The following ITPKC variants were observed in gnomAD, a reference collection of about 807,000 sequenced individuals.
ITPKC encodes IP3 3-kinase C.
Under a neutral mutation model 67.1 loss-of-function variants are expected in ITPKC, and 33 were observed. That is an observed-to-expected ratio of 0.49 (90% confidence interval 0.37 to 0.66). The LOEUF (loss-of-function observed/expected upper bound fraction) is 0.66, where lower values mean the gene tolerates loss of function less well. Among genes scored for constraint, ITPKC ranks in the 30% least tolerant of loss-of-function variants. The pLI, the probability that ITPKC is intolerant of heterozygous loss-of-function variation, is 0.00. For synonymous variants in ITPKC, 341 were observed against 359.8 expected, an observed-to-expected ratio of 0.95 and a Z score of 0.59; for missense variants, 820 against 892.1, an observed-to-expected ratio of 0.92 and a Z score of 1.03.
At chr19:40,736,635 C>G (rs2082295576) in intron 4 of ITPKC, among the ~76,000 whole-genome samples, 1 of 152,040 alleles carries the variant, frequency 6.6e-6, no homozygotes, top group African/African-American at 2.4e-5. Flanking sequence ...TCCCGAGTAG[C>G]TGGGATTACA....
intron 3 of ITPKC, 22 bp from the exon 4 acceptor site, chr19:40,733,137 TG>T: frequency 6.2e-7 from 1 of 1,607,426 alleles, no homozygotes; most frequent in South Asian, 1.1e-5. Context: ...TAATTTCCTT[TG>T]TCACATCCTC....
At chr19:40,733,428 T>G in intron 4 of ITPKC, 64 bp downstream of exon 4, 3 of 1,485,976 alleles carry the variant, frequency 2.0e-6, no homozygotes, top group Admixed American at 2.1e-5. Flanking sequence ...AGGCAGGGCT[T>G]CTTGGGGAAA....
chr19:40,737,023 C>T lies in ITPKC; in HGVS notation c.1712C>T (p.Thr571Met), dbSNP rs150245504. The change falls in exon 5 of 7, where the codon ACG becomes ATG. Residue 571 changes from threonine (T) to methionine (M), a missense_variant. By Grantham distance (81) the Thr-to-Met change is moderately conservative. Transcript: ENST00000263370. Reference sequence around the variant, plus strand: ...ACCTGTAACACCAACTTCAAGAAGACGCAGGCACTGGAGCAGGTGACAAAA... The same window carrying T: ...ACCTGTAACACCAACTTCAAGAAGATGCAGGCACTGGAGCAGGTGACAAAA... ...DGTCNTNFKK[T>M]QALEQVTKVL... is the part of the protein sequence containing the mutation. The T allele has an allele frequency of 1.7e-5, 27 of 1,594,920 alleles. No homozygotes were observed. The highest frequency in any genetic ancestry group is 5.7e-5 in the South Asian group (5 of 88,328).
intron 4 of ITPKC, among the ~76,000 whole-genome samples, chr19:40,736,552 C>T (rs991791914): frequency 3.9e-5 from 6 of 152,002 alleles, no homozygotes; most frequent in East Asian, 2.0e-4. Flanking sequence ...CACCCAGGCT[C>T]GAATGTAGTG....
At chr19:40,738,505 T>C (rs988564781) in intron 6 of ITPKC, among the ~76,000 whole-genome samples, 22 of 151,892 alleles carry the variant, frequency 1.4e-4, no homozygotes, top group Non-Finnish European at 2.8e-4. Context: ...TGAGCTGAGA[T>C]TGTGTCACTG....
chr19:40,739,323 C>A, intron 6 of ITPKC, 34 bp from the exon 7 acceptor site: 2 of 1,561,870 alleles, frequency 1.3e-6, no homozygotes, highest in South Asian at 1.1e-5. Flanking sequence ...CCAGTGCCTG[C>A]TCCTCCCTTA....
chr19:40,720,783 C>T (rs994139354), intron 1 of ITPKC, among the ~76,000 whole-genome samples: 4 of 152,080 alleles, frequency 2.6e-5, no homozygotes, highest in Non-Finnish European at 4.4e-5. Context: ...CCTGCCTCCA[C>T]GCATTGCTCA....
chr19:40,731,883 G>A (rs2082272823), intron 3 of ITPKC, among the ~76,000 whole-genome samples: 1 of 152,092 alleles, frequency 6.6e-6, no homozygotes, highest in Non-Finnish European at 1.5e-5. Flanking sequence ...GAGGGCAGGA[G>A]GAGGTCAGAG....
At chr19:40,727,231 G>A (rs183803804) in intron 2 of ITPKC, among the ~76,000 whole-genome samples, 92 of 152,218 alleles carry the variant, frequency 6.0e-4, no homozygotes, top group African/African-American at 1.9e-3. Flanking sequence ...CTACTCGGGA[G>A]GCTGAGGCAG....
At chr19:40,736,697 G>T (rs2082295795) in intron 4 of ITPKC, among the ~76,000 whole-genome samples, 1 of 152,010 alleles carries the variant, frequency 6.6e-6, no homozygotes, top group Non-Finnish European at 1.5e-5. Flanking sequence ...TAGAAACGGG[G>T]TTTCACCGTG....
rs765729827 is a variant in ITPKC at position 40,739,855 on chromosome 19, G to A, written c.*295G>A. On this transcript the variant is annotated 3_prime_UTR_variant, in exon 7 of 7. Transcript: ENST00000263370. The stretch of plus-strand genomic sequence containing the variant: ...GATCTGCCGGGAAGGCTTCTGAGGG[G>A]CTGCCCTGAGAGCATTCAGTTCACA... The A allele has an allele frequency of 2.2e-6, 1 of 454,524 alleles. No individual in the cohort carries two copies. The allele number at this position is 454,524 out of a possible 1,614,324, so 28.2% of individuals were successfully genotyped here.
Position 40,740,534 on chromosome 19 carries a change from G to A in ITPKC, c.*974G>A. ...AGGCGCAGGGTGGGTGGGGCTGCCA[G>A]CCAGGACCCTGGCCTGCAGCCTGAT... On this transcript the variant is annotated 3_prime_UTR_variant, in exon 7 of 7. Transcript: ENST00000263370. 4.7e-6 allele frequency: 1 copy of A among 211,208 alleles called. No individual in the cohort carries two copies. The highest frequency in any genetic ancestry group is 9.8e-5 in the East Asian group (1 of 10,196). The allele number at this position is 211,208 out of a possible 1,614,324, so 13.1% of individuals were successfully genotyped here. A position where few individuals can be genotyped will look rare whatever the true frequency, so the allele number is the denominator to read the frequency against.
At chr19:40,737,114 T>C (rs952988773) in intron 5 of ITPKC, 27 bp downstream of exon 5, 1 of 1,395,136 alleles carries the variant, frequency 7.2e-7, no homozygotes, top group Non-Finnish European at 1.0e-6. Context: ...TGTCCCAGAA[T>C]GTAGCAGCTT....
rs1192483676 is a variant in ITPKC, at chr19:40,737,009, C to G, written c.1698C>G (p.Thr566=). Residue 566 remains threonine (T), a synonymous_variant, in exon 5 of 7, where the codon ACC becomes ACG. Coordinates refer to ENST00000263370, the MANE Select transcript of ITPKC (RefSeq NM_025194.3). ...AGAAGGCAGATGGGACCTGTAACAC[C>G]AACTTCAAGAAGACGCAGGCACTGG... The part of the protein sequence containing the change: ...GIKKADGTCN[T]NFKKTQALEQ... 6.3e-7 allele frequency: 1 copy of G among 1,592,992 alleles called. No homozygotes were observed. Among genetic ancestry groups the G allele is most frequent in the Non-Finnish European group, 8.6e-7 (1 of 1,168,288 alleles).
chr19:40,720,680 G>A (rs1057077335), intron 1 of ITPKC, among the ~76,000 whole-genome samples: 23 of 151,970 alleles, frequency 1.5e-4, no homozygotes, highest in African/African-American at 1.9e-4. Context: ...GTCTCCAGGC[G>A]CCTTCCCAGA....
chr19:40,739,652 G>A lies in ITPKC; in HGVS notation c.*92G>A. The A allele has an allele frequency of 8.7e-7, 1 of 1,145,492 alleles. No individual in the cohort carries two copies. The highest frequency in any genetic ancestry group is 1.2e-6 in the Non-Finnish European group (1 of 803,648). The allele number at this position is 1,145,492 out of a possible 1,614,324, so 71.0% of individuals were successfully genotyped here. ...GGGAGGCCTGAGGTTGGCCACGGGGGAGCTGGCCTCCAGGGACGGGAGAGA... is the reference window on the plus strand; with the variant it reads ...GGGAGGCCTGAGGTTGGCCACGGGGAAGCTGGCCTCCAGGGACGGGAGAGA... On this transcript the variant is annotated 3_prime_UTR_variant, in exon 7 of 7. Transcript: ENST00000263370.
chr19:40,717,761 A>G lies in ITPKC; in HGVS notation c.626A>G (p.Glu209Gly), dbSNP rs1227187192. 9 of 1,613,966 alleles carry G rather than the reference A, an allele frequency of 5.6e-6. No homozygotes were observed. The highest frequency in any genetic ancestry group is 7.6e-6 in the Non-Finnish European group (9 of 1,179,940). Residue 209 changes from glutamate (E) to glycine (G), a missense_variant, in exon 1 of 7, where the codon GAA becomes GGA. Physicochemically the swap from Glu to Gly is moderately conservative, Grantham distance 98. Around this residue, in one of 2 missense-constraint regions of ITPKC, gnomAD observed 481 missense variants for 470.1 expected, o/e 1.02. Transcript: ENST00000263370. ...QNSSSLQTHP[E>G]GACPSKEPSA... Reference sequence around the variant, plus strand: ...AGTTCCAGCCTCCAGACTCACCCAGAAGGAGCCTGTCCCTCAAAAGAGCCA... The same window carrying G: ...AGTTCCAGCCTCCAGACTCACCCAGGAGGAGCCTGTCCCTCAAAAGAGCCA...
Position 40,739,597 on chromosome 19 carries a change from A to C in ITPKC, c.*37A>C. ...ACCATCAGGTTAATTGGATGGCGCCAGTCTGGCTGGAGGAGCCCTGAGATG... is the reference window on the plus strand; with the variant it reads ...ACCATCAGGTTAATTGGATGGCGCCCGTCTGGCTGGAGGAGCCCTGAGATG... On this transcript the variant is annotated 3_prime_UTR_variant, in exon 7 of 7. Coordinates refer to ENST00000263370, the MANE Select transcript of ITPKC (RefSeq NM_025194.3). 1 of 1,577,436 alleles carries C rather than the reference A, an allele frequency of 6.3e-7. No individual in the cohort carries two copies. Among genetic ancestry groups the C allele is most frequent in the Non-Finnish European group, 8.6e-7 (1 of 1,157,188 alleles).
chr19:40,734,848 T>G (rs983923958), intron 4 of ITPKC, among the ~76,000 whole-genome samples: 2 of 151,226 alleles, frequency 1.3e-5, no homozygotes, highest in Non-Finnish European at 2.9e-5. Flanking sequence ...TAGTACAGTC[T>G]TAGCTCACTG....
Sources: allele counts gnomAD v4.1 joint callset (sites outside exome capture counted in the v4.1 genomes callset), GRCh38; gene constraint gnomAD v4.1.1; regional missense constraint gnomAD v4.1.1; transcripts MANE v1.5; gene names NCBI Gene and HGNC (gene_info 2026-07-23, HGNC 2026-07-21).